The following UST variants were observed in gnomAD, a reference collection of about 807,000 sequenced individuals.
UST encodes chondroitin sulfate 2-O-sulfotransferase.
In UST, 21 loss-of-function variants were observed where a neutral mutation model predicts 45.6. The observed-to-expected ratio is 0.46, with a 90% CI of 0.33 to 0.66. UST has a LOEUF of 0.66. Among genes scored for constraint, UST ranks in the 30% least tolerant of loss-of-function variants. UST has a pLI of 0.02. For missense variants in UST, 463 were observed against 512.4 expected (o/e 0.90, Z 0.93); for synonymous variants, 215 against 200.6 (o/e 1.07, Z -0.61).
intron 7 of UST, among the ~76,000 whole-genome samples, chr6:149,031,484 G>A (rs1400842574): frequency 6.6e-6 from 1 of 152,120 alleles, no homozygotes; most frequent in African/African-American, 2.4e-5. Flanking sequence ...ATATATGTGC[G>A]TTTGGCCTAT....
intron 1 of UST, among the ~76,000 whole-genome samples, chr6:148,795,067 T>C (rs921783112): frequency 6.6e-6 from 1 of 152,244 alleles, no homozygotes; most frequent in Admixed American, 6.5e-5. Flanking sequence ...AGTCTTCAGT[T>C]TCCTGACTTC....
chr6:148,885,377 C>T (rs958063119), intron 1 of UST, among the ~76,000 whole-genome samples: 2 of 152,120 alleles, frequency 1.3e-5, no homozygotes, highest in African/African-American at 4.8e-5. Flanking sequence ...GCACAGGCAG[C>T]TATTTTTCTG....
At chr6:148,973,010 C>G (rs1379666873) in intron 5 of UST, among the ~76,000 whole-genome samples, 1 of 152,124 alleles carries the variant, frequency 6.6e-6, no homozygotes, top group Non-Finnish European at 1.5e-5. Flanking sequence ...AGAAGCACCC[C>G]CTGAATGCCT....
intron 1 of UST, among the ~76,000 whole-genome samples, chr6:148,817,998 C>G (rs904373945): frequency 6.6e-6 from 1 of 152,206 alleles, no homozygotes; most frequent in Non-Finnish European, 1.5e-5. Context: ...AAAATATTTA[C>G]TATCTGACCC....
chr6:148,951,254 G>A (rs1006955074), intron 3 of UST, among the ~76,000 whole-genome samples: 7 of 152,106 alleles, frequency 4.6e-5, no homozygotes, highest in African/African-American at 1.7e-4. Flanking sequence ...GGAATATGCC[G>A]AGCACCAGTA....
At chr6:148,751,596 A>G (rs2114642559) in intron 1 of UST, among the ~76,000 whole-genome samples, 1 of 152,364 alleles carries the variant, frequency 6.6e-6, no homozygotes, top group East Asian at 1.9e-4. Flanking sequence ...GGGGAGGAAA[A>G]TCATGCAAGG....
chr6:148,822,437 A>G (rs1440775059), intron 1 of UST, among the ~76,000 whole-genome samples: 1 of 152,152 alleles, frequency 6.6e-6, no homozygotes, highest in African/African-American at 2.4e-5. Context: ...GCTCTGATCC[A>G]CTGGCCCTGA....
At chr6:148,751,820 T>G (rs1775998072) in intron 1 of UST, among the ~76,000 whole-genome samples, 1 of 152,234 alleles carries the variant, frequency 6.6e-6, no homozygotes, top group Non-Finnish European at 1.5e-5. Context: ...CCCCAGAAAT[T>G]AGGTTATGAT....
At chr6:148,819,263 T>TA (rs139572437) in intron 1 of UST, among the ~76,000 whole-genome samples, 2,339 of 151,256 alleles carry the variant, frequency 0.015, 56 homozygotes, top group African/African-American at 0.052. Flanking sequence ...GTTTAAATGT[T>TA]AAAAAAAAAC....
At chr6:148,816,421 C>T (rs1479779134) in intron 1 of UST, among the ~76,000 whole-genome samples, 2 of 152,120 alleles carry the variant, frequency 1.3e-5, no homozygotes, top group Admixed American at 1.3e-4. Flanking sequence ...TAATTAAATT[C>T]CAAATTGAGC....
chr6:148,794,606 T>G (rs4897049), intron 1 of UST, among the ~76,000 whole-genome samples: 124,011 of 152,122 alleles, frequency 0.82, 50,703 homozygotes, highest in East Asian at 1. Flanking sequence ...AGACCAGCAA[T>G]CCCTACTGCC....
intron 1 of UST, among the ~76,000 whole-genome samples, chr6:148,801,564 A>G (rs965971059): frequency 1.3e-5 from 2 of 152,092 alleles, no homozygotes. Context: ...AGATGTGTGA[A>G]GGTCTCTGTT....
At chr6:148,910,173 T>C (rs1779446358) in intron 2 of UST, among the ~76,000 whole-genome samples, 1 of 137,138 alleles carries the variant, frequency 7.3e-6, no homozygotes, top group Non-Finnish European at 1.5e-5. Flanking sequence ...AGAGTTTCAC[T>C]CTCGTTGCCC....
In UST at chr6:148,909,308, G is replaced by T. The variant is rs757957342; in HGVS notation, c.291+22279G>T. Among the ~76,000 whole-genome samples, 4 of 152,112 alleles carry T rather than the reference G, an allele frequency of 2.6e-5. 1 individual carries two copies. The highest frequency in any genetic ancestry group is 2.6e-4 in the Admixed American group (4 of 15,268). Reference sequence around the variant, plus strand: ...TAATAGGTAGTTTCATTTGCCTTTGGTCCTGAGCAATCTGAACAACAGAAT... The same window carrying T: ...TAATAGGTAGTTTCATTTGCCTTTGTTCCTGAGCAATCTGAACAACAGAAT... On this transcript the variant is annotated intron_variant, in intron 2 of 7. Transcript: ENST00000367463.
chr6:148,876,838 T>A (rs1276632126), intron 1 of UST, among the ~76,000 whole-genome samples: 2 of 151,448 alleles, frequency 1.3e-5, no homozygotes, highest in African/African-American at 4.9e-5. Flanking sequence ...CGTTTCCTTA[T>A]CTCCTCTCCA....
intron 5 of UST, among the ~76,000 whole-genome samples, chr6:148,989,669 A>C (rs1360316876): frequency 6.6e-6 from 1 of 152,218 alleles, no homozygotes; most frequent in Non-Finnish European, 1.5e-5. Context: ...AATTAAGGCA[A>C]TCACATTCAG....
At chr6:148,906,957 T>TCTTGACTCTAGGA (rs1779375153) in intron 2 of UST, among the ~76,000 whole-genome samples, 1 of 152,076 alleles carries the variant, frequency 6.6e-6, no homozygotes, top group Non-Finnish European at 1.5e-5. Context: ...GTTTGAGTTA[T>TCTTGACTCTAGGA]GTAAGCCTTC....
intron 1 of UST, among the ~76,000 whole-genome samples, chr6:148,798,361 G>C (rs147513659): frequency 1.3e-5 from 2 of 152,146 alleles, no homozygotes; most frequent in African/African-American, 2.4e-5. Flanking sequence ...TGGGCTTAGT[G>C]GTGGGGAATG....
chr6:149,053,084 A>G (rs1446320484), intron 7 of UST, among the ~76,000 whole-genome samples: 1 of 152,244 alleles, frequency 6.6e-6, no homozygotes, highest in Non-Finnish European at 1.5e-5. Flanking sequence ...CATTTATCAT[A>G]TAGAACAAAA....
Sources: allele counts gnomAD v4.1 joint callset (sites outside exome capture counted in the v4.1 genomes callset), GRCh38; gene constraint gnomAD v4.1.1; transcripts MANE v1.5; gene names NCBI Gene and HGNC (gene_info 2026-07-23, HGNC 2026-07-21).